PLPP4: variants seen among roughly 807,000 people sequenced by gnomAD.
PLPP4 encodes the protein diacylglycerol pyrophosphate like 2.
A neutral mutation model predicts 32.2 loss-of-function variants in PLPP4; 20 were observed. That is an observed-to-expected ratio of 0.62 (90% CI 0.44 to 0.90). PLPP4 has a LOEUF of 0.90. Ranked by LOEUF, PLPP4 falls within the 40% of genes least tolerant of loss-of-function variation. The probability of loss-of-function intolerance (pLI) is 0.00; values close to 1 mark genes in which losing one functional copy is unlikely to be tolerated. For missense variants in PLPP4, 257 were observed against 353.1 expected (o/e 0.73, Z 2.18); for synonymous variants, 127 against 133.0 (o/e 0.95, Z 0.31).
chr10:120,571,603 A>G (rs1848946357), intron 5 of PLPP4, among the ~76,000 whole-genome samples: 1 of 152,186 alleles, frequency 6.6e-6, no homozygotes, highest in Admixed American at 6.5e-5. Flanking sequence ...TTGAACTTGA[A>G]TCTGAGCCTT....
intron 5 of PLPP4, among the ~76,000 whole-genome samples, chr10:120,572,522 C>T (rs1433961458): frequency 1.3e-5 from 2 of 152,230 alleles, no homozygotes; most frequent in Non-Finnish European, 2.9e-5. Flanking sequence ...GCCAGTTTGG[C>T]AACACCCAAG....
At chr10:120,523,016 G>A (rs1374586318) in intron 5 of PLPP4, among the ~76,000 whole-genome samples, 2 of 152,262 alleles carry the variant, frequency 1.3e-5, no homozygotes, top group East Asian at 1.9e-4. Flanking sequence ...AGAAAGGATC[G>A]GCCAGGTGCA....
chr10:120,473,014 TATC>T (rs1461693235), intron 1 of PLPP4, among the ~76,000 whole-genome samples: 2 of 152,226 alleles, frequency 1.3e-5, no homozygotes, highest in Non-Finnish European at 2.9e-5. Flanking sequence ...CATCTTTCCC[TATC>T]ATCTTTTAAC....
rs566913410 is a variant in PLPP4, at chr10:120,473,704, C to T, written c.56+16343C>T. ...GAATCATGGGGTGAGACTTCCCCCT[C>T]GTTATTCTTGTGATACAGTTCTCAT... On this transcript the variant is annotated intron_variant, in intron 1 of 6. Coordinates refer to ENST00000398250, the MANE Select transcript of PLPP4 (RefSeq NM_001030059.3). Among the ~76,000 whole-genome samples the T allele has an allele frequency of 2.4e-4, 37 of 152,208 alleles. No individual in the cohort carries two copies. In the South Asian group the frequency reaches 5.8e-3, roughly 24 times the overall value.
At chr10:120,580,107 G>A (rs1849420152) in intron 6 of PLPP4, among the ~76,000 whole-genome samples, 1 of 109,002 alleles carries the variant, frequency 9.2e-6, no homozygotes, top group Admixed American at 1.2e-4. Context: ...GCGACAGAGC[G>A]AGACTCTCAA....
chr10:120,513,041 G>T (rs761272841), intron 2 of PLPP4, among the ~76,000 whole-genome samples: 2 of 152,156 alleles, frequency 1.3e-5, no homozygotes, highest in Non-Finnish European at 2.9e-5. Context: ...ATCCTGAGAT[G>T]TTATAGTCAT....
chr10:120,469,470 G>A lies in PLPP4; in HGVS notation c.56+12109G>A, dbSNP rs187316228. ...TCTTGATCTCCTGACCTCGTGATCC[G>A]CCCACCTGGGGCTCCTAAAGTGCTG... On this transcript the variant is annotated intron_variant, in intron 1 of 6. Transcript: ENST00000398250. 5.2e-3 allele frequency among the ~76,000 whole-genome samples: 798 copies of A among 152,174 alleles called. 7 individuals carry two copies. Among genetic ancestry groups the A allele is most frequent in the African/African-American group, 0.018 (763 of 41,510 alleles).
At chr10:120,546,296 G>T (rs1489968610) in intron 5 of PLPP4, among the ~76,000 whole-genome samples, 1 of 152,032 alleles carries the variant, frequency 6.6e-6, no homozygotes, top group Admixed American at 6.6e-5. Context: ...CTTGAGAATG[G>T]AAAATGGACC....
intron 1 of PLPP4, among the ~76,000 whole-genome samples, chr10:120,502,671 A>C (rs1845312975): frequency 1.3e-5 from 2 of 152,264 alleles, no homozygotes; most frequent in African/African-American, 4.8e-5. Context: ...CAACGTCCCA[A>C]ATCTGGGATA....
chr10:120,552,165 G>GGT (rs58426120), intron 5 of PLPP4, among the ~76,000 whole-genome samples: 12,602 of 138,474 alleles, frequency 0.091, 905 homozygotes, highest in African/African-American at 0.21. Context: ...GTGGTGGTGG[G>GGT]GTGTGTGTGT....
intron 5 of PLPP4, among the ~76,000 whole-genome samples, chr10:120,570,786 T>G (rs957517936): frequency 6.6e-6 from 1 of 152,206 alleles, no homozygotes; most frequent in South Asian, 2.1e-4. Context: ...CAGATAGCCC[T>G]GTTCATGGGA....
At chr10:120,553,407 G>A (rs1847998555) in intron 5 of PLPP4, among the ~76,000 whole-genome samples, 1 of 152,198 alleles carries the variant, frequency 6.6e-6, no homozygotes, top group Admixed American at 6.5e-5. Context: ...TCCACCATGT[G>A]ATGACACAGT....
chr10:120,565,315 GGTGTGT>G (rs58655566), intron 5 of PLPP4, among the ~76,000 whole-genome samples: 15,616 of 142,568 alleles, frequency 0.11, 854 homozygotes, highest in Middle Eastern at 0.13. Context: ...TTGTTTGTGT[GGTGTGT>G]GTGTGTGTGT....
intron 5 of PLPP4, among the ~76,000 whole-genome samples, chr10:120,549,389 C>T (rs75228929): frequency 0.043 from 6,418 of 150,880 alleles, 178 homozygotes; most frequent in Admixed American, 0.088. Context: ...CAAGAAAGCT[C>T]CAGGCCCAGG....
intron 3 of PLPP4, among the ~76,000 whole-genome samples, chr10:120,515,071 G>A (rs1167012016): frequency 1.3e-5 from 2 of 152,184 alleles, no homozygotes; most frequent in Non-Finnish European, 2.9e-5. Flanking sequence ...AAGCAGCACA[G>A]AGAACGCTTC....
At chr10:120,510,306 A>G (rs576078052) in intron 2 of PLPP4, among the ~76,000 whole-genome samples, 3 of 152,254 alleles carry the variant, frequency 2.0e-5, no homozygotes, top group African/African-American at 7.2e-5. Context: ...GTTTTCTCTC[A>G]GGTCTCAGTT....
chr10:120,500,883 C>G (rs2463152), intron 1 of PLPP4, among the ~76,000 whole-genome samples: 27,395 of 152,134 alleles, frequency 0.18, 3,408 homozygotes, highest in African/African-American at 0.35. Context: ...TTCTCTCCCC[C>G]ACACTTTTCC....
chr10:120,458,585 T>C (rs1847897239), intron 1 of PLPP4, among the ~76,000 whole-genome samples: 3 of 152,080 alleles, frequency 2.0e-5, no homozygotes, highest in Admixed American at 6.6e-5. Flanking sequence ...TCCAGAGTAT[T>C]TATTCACACC....
chr10:120,472,219 T>C (rs1848546710), intron 1 of PLPP4, among the ~76,000 whole-genome samples: 2 of 152,132 alleles, frequency 1.3e-5, no homozygotes, highest in Non-Finnish European at 1.5e-5. Flanking sequence ...TTTGGGATTA[T>C]ATCCTTTTAG....
Sources: gnomAD v4.1 joint callset for allele counts (sites outside exome capture counted in the v4.1 genomes callset) on GRCh38, gnomAD v4.1.1 for gene constraint, MANE v1.5 for transcripts, NCBI Gene and HGNC (gene_info 2026-07-23, HGNC 2026-07-21) for gene names.